SLC25A18: variants seen among roughly 807,000 people sequenced by gnomAD.
SLC25A18 encodes the protein solute carrier family 25 member 18.
Under a neutral mutation model 31.1 loss-of-function variants are expected in SLC25A18, and 24 were observed. The ratio of observed to expected loss-of-function variants is 0.77; its 90% CI spans 0.56 to 1.08. SLC25A18 has a LOEUF of 1.08. Ranked by LOEUF, SLC25A18 falls within the 50% of genes least tolerant of loss-of-function variation. SLC25A18 has a pLI of 0.00. For synonymous variants in SLC25A18, 173 were observed against 161.9 expected, an observed-to-expected ratio of 1.07 and a Z score of -0.52; for missense variants, 371 against 418.5, an observed-to-expected ratio of 0.89 and a Z score of 0.99.
intron 2 of SLC25A18, among the ~76,000 whole-genome samples, chr22:17,572,636 A>ATTTTTTT (rs1601279642): frequency 9.7e-6 from 1 of 103,094 alleles, no homozygotes; most frequent in African/African-American, 3.6e-5. Context: ...TCTACAAATA[A>ATTTTTTT]ATTTTTTTTT....
chr22:17,576,294 C>T (rs1178935307), intron 2 of SLC25A18, among the ~76,000 whole-genome samples: 3 of 151,296 alleles, frequency 2.0e-5, no homozygotes, highest in Non-Finnish European at 4.4e-5. Flanking sequence ...GGAGGTTACA[C>T]AGTGAGCCAA....
At chr22:17,589,930 C>A (rs2057671269) in intron 10 of SLC25A18, among the ~76,000 whole-genome samples, 165 bp from the exon 11 acceptor site, 1 of 152,242 alleles carries the variant, frequency 6.6e-6, no homozygotes, top group Non-Finnish European at 1.5e-5. Context: ...AACCAACCTG[C>A]ATGCACCTAG....
chr22:17,566,915 C>A (rs927306366), intron 1 of SLC25A18, among the ~76,000 whole-genome samples: 1 of 152,206 alleles, frequency 6.6e-6, no homozygotes, highest in East Asian at 1.9e-4. Context: ...AATCTCAGCA[C>A]TTTGATAGGC....
chr22:17,577,301 C>T lies in SLC25A18; in HGVS notation c.-200-2444C>T, dbSNP rs559909854. ...CCTCCCAAAGTGCTGGGATTATAGG[C>T]GTGAGCCTCCAAGCCCAGCTAATTT... is the stretch of plus-strand genomic sequence containing the variant. On this transcript the variant is annotated intron_variant, in intron 2 of 10. Coordinates refer to ENST00000327451, the MANE Select transcript of SLC25A18 (RefSeq NM_031481.3). Among the ~76,000 whole-genome samples the T allele has an allele frequency of 1.4e-3, 206 of 150,646 alleles. 2 individuals are homozygous for T. The highest frequency in any genetic ancestry group is 2.9e-3 in the African/African-American group (117 of 40,956).
At chr22:17,585,904 T>C (rs573510191) in intron 7 of SLC25A18, among the ~76,000 whole-genome samples, 80 of 152,162 alleles carry the variant, frequency 5.3e-4, no homozygotes, top group African/African-American at 1.8e-3. Context: ...ACGCCTGCCT[T>C]GGCCTCCCTA....
chr22:17,573,765 G>C (rs2057157786), intron 2 of SLC25A18, among the ~76,000 whole-genome samples: 1 of 152,036 alleles, frequency 6.6e-6, no homozygotes, highest in Non-Finnish European at 1.5e-5. Flanking sequence ...AGTCACCAAG[G>C]CTCTCTACAA....
chr22:17,590,539 T>C lies in SLC25A18; in HGVS notation c.*303T>C. On this transcript the variant is annotated 3_prime_UTR_variant, in exon 11 of 11. Coordinates refer to ENST00000327451, the MANE Select transcript of SLC25A18 (RefSeq NM_031481.3). ...GTATTAATTGCAGGACCTTAACAGG[T>C]AGTCACAATAGAAGGGTTGTTTCTG... The C allele has an allele frequency of 3.4e-6, 1 of 298,006 alleles. No individual in the cohort carries two copies. The highest frequency in any genetic ancestry group is 6.3e-6 in the Non-Finnish European group (1 of 158,492). 18.5% of individuals were successfully genotyped at this position (298,006 alleles called of 1,614,324 possible). A position where few individuals can be genotyped will look rare whatever the true frequency, so the allele number is the denominator to read the frequency against.
In SLC25A18 at chr22:17,587,977, C is replaced by T. The variant is rs148535624; in HGVS notation, c.628C>T (p.Leu210=). ...CCCACTGTTTGCCAACCTTAACAAC[C>T]TGGGGTTCAACGAGCTCGCCGGTAA... ...YFPLFANLNN[L]GFNELAGKAS... Residue 210 remains leucine (L), a synonymous_variant, in exon 9 of 11, where the codon CTG becomes TTG. Coordinates refer to ENST00000327451, the MANE Select transcript of SLC25A18 (RefSeq NM_031481.3). 307 of 1,614,244 alleles carry T rather than the reference C, an allele frequency of 1.9e-4. No homozygotes were observed. The African/African-American group carries it at 3.6e-3, about 19-fold the overall frequency.
At chr22:17,569,826 T>C (rs2146209595) in intron 1 of SLC25A18, 98 bp from the exon 2 acceptor site, 3 of 985,382 alleles carry the variant, frequency 3.0e-6, no homozygotes, top group Non-Finnish European at 3.6e-6. Flanking sequence ...TCTGGAACCC[T>C]GCAGTGGTGA....
chr22:17,582,737 A>T, intron 6 of SLC25A18, 84 bp downstream of exon 6: 1 of 1,209,998 alleles, frequency 8.3e-7, no homozygotes, highest in South Asian at 1.4e-5. Context: ...AATGTGCCTC[A>T]GTATACCTGC....
chr22:17,589,786 T>C (rs894481186), intron 10 of SLC25A18, 121 bp downstream of exon 10: 9 of 942,204 alleles, frequency 9.6e-6, no homozygotes, highest in Non-Finnish European at 1.5e-5. Flanking sequence ...GAAGTCTGTC[T>C]TTCCCTCACC....
At chr22:17,576,792 TC>T (rs2057238852) in intron 2 of SLC25A18, among the ~76,000 whole-genome samples, 1 of 152,174 alleles carries the variant, frequency 6.6e-6, no homozygotes, top group Non-Finnish European at 1.5e-5. Context: ...CCAAGTGCTC[TC>T]CGTGGGTGGA....
chr22:17,568,922 G>A (rs372878656), intron 1 of SLC25A18, among the ~76,000 whole-genome samples: 1 of 151,642 alleles, frequency 6.6e-6, no homozygotes, highest in Non-Finnish European at 1.5e-5. Context: ...GTTAGCACAG[G>A]TCTTTGAATA....
At chr22:17,568,016 T>G (rs1387272399) in intron 1 of SLC25A18, among the ~76,000 whole-genome samples, 2 of 151,948 alleles carry the variant, frequency 1.3e-5, no homozygotes, top group African/African-American at 2.4e-5. Flanking sequence ...GGACTTTATA[T>G]TTTGTATTTG....
At chr22:17,568,581 T>TTTG (rs2057001646) in intron 1 of SLC25A18, among the ~76,000 whole-genome samples, 3 of 126,632 alleles carry the variant, frequency 2.4e-5, no homozygotes, top group African/African-American at 6.3e-5. Flanking sequence ...TTTTTTTTTT[T>TTTG]GAGACAGTCT....
At chr22:17,578,388 GA>G (rs1480332370) in intron 2 of SLC25A18, among the ~76,000 whole-genome samples, 1 of 152,240 alleles carries the variant, frequency 6.6e-6, no homozygotes, top group Non-Finnish European at 1.5e-5. Flanking sequence ...AGCACCAAGA[GA>G]AAGACTAATG....
In SLC25A18 at chr22:17,588,011, T is replaced by G. The variant is rs1463874672; in HGVS notation, c.662T>G (p.Phe221Cys). Reference sequence around the variant, plus strand: ...AACGAGCTCGCCGGTAAGGCGTCCTTTGCACATTCCTTCGTGTCAGGCTGT... The same window carrying G: ...AACGAGCTCGCCGGTAAGGCGTCCTGTGCACATTCCTTCGTGTCAGGCTGT... ...GFNELAGKASFAHSFVSGCVA... is the reference protein window; with the variant it reads ...GFNELAGKASCAHSFVSGCVA... The change falls in exon 9 of 11, where the codon TTT (phenylalanine) becomes TGT (cysteine). Residue 221 changes from phenylalanine (F) to cysteine (C), a missense_variant. Coordinates refer to ENST00000327451, the MANE Select transcript of SLC25A18 (RefSeq NM_031481.3). 6 of 1,614,226 alleles carry G rather than the reference T, an allele frequency of 3.7e-6. No individual in the cohort carries two copies. The highest frequency in any genetic ancestry group is 5.1e-6 in the Non-Finnish European group (6 of 1,180,034).
At chr22:17,570,011 A>T (rs1163254003) in intron 2 of SLC25A18, 25 bp downstream of exon 2, 13 of 985,158 alleles carry the variant, frequency 1.3e-5, no homozygotes, top group Non-Finnish European at 1.6e-5. Flanking sequence ...TGTCTGCATC[A>T]AGCTCAGAGT....
chr22:17,581,391 G>A lies in SLC25A18; in HGVS notation c.177G>A (p.Glu59=), dbSNP rs559399827. The A allele has an allele frequency of 5.9e-5, 95 of 1,614,098 alleles. 2 individuals are homozygous for A. In the South Asian group the frequency reaches 1.0e-3, roughly 17 times the overall value. The change falls in exon 5 of 11, where the codon GAG becomes GAA. Residue 59 remains glutamate (E), a synonymous_variant. Coordinates refer to ENST00000327451, the MANE Select transcript of SLC25A18 (RefSeq NM_031481.3). ...IDCLMKTARA[E]GFFGMYRGAA... is the part of the protein sequence containing the mutation. ...GCCTGATGAAGACGGCTCGGGCGGAGGGCTTCTTCGGCATGTACCGAGGTG... is the reference window on the plus strand; with the variant it reads ...GCCTGATGAAGACGGCTCGGGCGGAAGGCTTCTTCGGCATGTACCGAGGTG...
Sources: gnomAD v4.1 joint callset for allele counts (sites outside exome capture counted in the v4.1 genomes callset) on GRCh38, gnomAD v4.1.1 for gene constraint, MANE v1.5 for transcripts, NCBI Gene and HGNC (gene_info 2026-07-23, HGNC 2026-07-21) for gene names.